The following FOXP2 variants were observed in gnomAD, a reference collection of about 807,000 sequenced individuals.
The protein encoded by FOXP2 is forkhead box P2.
In FOXP2, 12 loss-of-function variants were observed where a neutral mutation model predicts 115.8. The ratio of observed to expected loss-of-function variants is 0.10; its 90% CI spans 0.07 to 0.17. The LOEUF (loss-of-function observed/expected upper bound fraction) is 0.17. FOXP2 is among the 10% of genes least tolerant of loss of function. The pLI is 1.00. For missense variants in FOXP2, 629 were observed against 843.5 expected, an observed-to-expected ratio of 0.75 and a Z score of 3.15; for synonymous variants, 328 against 297.7, an observed-to-expected ratio of 1.10 and a Z score of -1.05.
chr7:114,675,342 T>C (rs1002613036), intron 16 of FOXP2, among the ~76,000 whole-genome samples: 1 of 152,176 alleles, frequency 6.6e-6, no homozygotes, highest in African/African-American at 2.4e-5. Flanking sequence ...TTTTTGTATG[T>C]TCTGTTTGAC....
At chr7:114,517,771 G>A (rs369056378) in intron 2 of FOXP2, among the ~76,000 whole-genome samples, 4 of 152,174 alleles carry the variant, frequency 2.6e-5, no homozygotes, top group African/African-American at 9.6e-5. Flanking sequence ...GATGCCTCCA[G>A]CTTTGTCTTT....
intron 6 of FOXP2, among the ~76,000 whole-genome samples, chr7:114,641,919 C>T (rs151250446): frequency 0.045 from 6,857 of 152,178 alleles, 204 homozygotes; most frequent in Admixed American, 0.083. Context: ...AATTCTCCCG[C>T]CTCAACCTCC....
chr7:114,471,864 G>T (rs1413401684), intron 2 of FOXP2, among the ~76,000 whole-genome samples: 1 of 151,704 alleles, frequency 6.6e-6, no homozygotes, highest in Non-Finnish European at 1.5e-5. Flanking sequence ...GGAGGCTGAG[G>T]CAGGAGAATT....
At chr7:114,530,488 C>G (rs1799090896) in intron 2 of FOXP2, among the ~76,000 whole-genome samples, 1 of 151,762 alleles carries the variant, frequency 6.6e-6, no homozygotes, top group Non-Finnish European at 1.5e-5. Context: ...AGATATATGA[C>G]TGATGTCTGT....
intron 1 of FOXP2, among the ~76,000 whole-genome samples, chr7:114,278,647 C>T: frequency 6.6e-6 from 1 of 152,238 alleles, no homozygotes; most frequent in East Asian, 1.9e-4. Context: ...AGCCACCGCA[C>T]TGACCTATTT....
At chr7:114,352,909 G>A (rs1791528409) in intron 2 of FOXP2, among the ~76,000 whole-genome samples, 1 of 152,082 alleles carries the variant, frequency 6.6e-6, no homozygotes, top group Non-Finnish European at 1.5e-5. Flanking sequence ...CTAACTGGAA[G>A]TCACAAAGTC....
At chr7:114,390,530 T>TTATC (rs1792568764) in intron 2 of FOXP2, among the ~76,000 whole-genome samples, 2 of 49,638 alleles carry the variant, frequency 4.0e-5, no homozygotes, top group African/African-American at 7.8e-5. Context: ...ATGTATTTAT[T>TTATC]TATTTATTTA....
chr7:114,244,464 T>C (rs963320949), intron 1 of FOXP2, among the ~76,000 whole-genome samples: 3 of 152,188 alleles, frequency 2.0e-5, no homozygotes, highest in Non-Finnish European at 4.4e-5. Context: ...ATATCTGTAA[T>C]TTTCAACTAA....
At chr7:114,190,357 A>T (rs932298619) in intron 1 of FOXP2, among the ~76,000 whole-genome samples, 1 of 152,208 alleles carries the variant, frequency 6.6e-6, no homozygotes, top group Non-Finnish European at 1.5e-5. Context: ...TAGAACAGAA[A>T]GGCCAAGGAA....
intron 3 of FOXP2, 33 bp from the exon 4 acceptor site, chr7:114,628,507 C>T (rs372862440): frequency 2.8e-5 from 45 of 1,613,082 alleles, no homozygotes; most frequent in Middle Eastern, 1.6e-4. Flanking sequence ...GTTATGACCA[C>T]GAATTTTCTT....
Position 114,414,985 on chromosome 7 carries a change from T to C in FOXP2, c.-386T>C. ...TACTTTAGAAAGATTATGGTAAGCA[T>C]GCTGGCTCAGTCTTGAACCTTTGTC... On this transcript the variant is annotated 5_prime_UTR_variant, in exon 1 of 17. It removes an upstream start codon present in the reference 5' UTR. Coordinates refer to ENST00000350908, the MANE Select transcript of FOXP2 (RefSeq NM_014491.4). 1 of 432,124 alleles carries C rather than the reference T, an allele frequency of 2.3e-6. No homozygotes were observed. 26.8% of individuals were successfully genotyped at this position (432,124 alleles called of 1,614,324 possible).
At chr7:114,147,610 A>AT (rs1181251910) in intron 1 of FOXP2, among the ~76,000 whole-genome samples, 2 of 151,894 alleles carry the variant, frequency 1.3e-5, no homozygotes, top group Non-Finnish European at 2.9e-5. Flanking sequence ...TAAATAGTAT[A>AT]TTTTTTTTGC....
chr7:114,459,836 G>A (rs769661723), intron 2 of FOXP2, among the ~76,000 whole-genome samples: 4 of 152,058 alleles, frequency 2.6e-5, no homozygotes, highest in South Asian at 2.1e-4. Context: ...GGTTGATCTC[G>A]AACCGCTGAC....
At chr7:114,429,932 T>G (rs1293973368) in intron 2 of FOXP2, among the ~76,000 whole-genome samples, 1 of 151,708 alleles carries the variant, frequency 6.6e-6, no homozygotes, top group Non-Finnish European at 1.5e-5. Context: ...TATAATTTTA[T>G]TTTGAAATCT....
At chr7:114,677,048 C>G (rs984383246) in intron 16 of FOXP2, among the ~76,000 whole-genome samples, 1 of 151,960 alleles carries the variant, frequency 6.6e-6, no homozygotes, top group Non-Finnish European at 1.5e-5. Context: ...CGCCTGTAGT[C>G]CCAGCTACTC....
At chr7:114,161,537 G>GTT (rs34029607), upstream of FOXP2, among the ~76,000 whole-genome samples, 1,235 of 148,860 alleles carry the variant, frequency 8.3e-3, 5 homozygotes, top group South Asian at 0.042. Context: ...TCTCACAATA[G>GTT]TTTTTTTTTT....
At chr7:114,595,719 G>A (rs934864747) in intron 3 of FOXP2, among the ~76,000 whole-genome samples, 1 of 151,894 alleles carries the variant, frequency 6.6e-6, no homozygotes. Flanking sequence ...TTACAACATG[G>A]GGAGTCAAAA....
chr7:114,517,349 C>T (rs1470097455), intron 2 of FOXP2, among the ~76,000 whole-genome samples: 1 of 152,080 alleles, frequency 6.6e-6, no homozygotes, highest in Non-Finnish European at 1.5e-5. Flanking sequence ...TAGTTTGATG[C>T]AATCCCGTCG....
intron 2 of FOXP2, among the ~76,000 whole-genome samples, chr7:114,386,892 A>G (rs551998147): frequency 1.3e-5 from 2 of 152,346 alleles, no homozygotes; most frequent in East Asian, 3.9e-4. Context: ...GAAAAGTATA[A>G]TAATGAAAAT....
Sources: allele counts gnomAD v4.1 joint callset (sites outside exome capture counted in the v4.1 genomes callset), GRCh38; gene constraint gnomAD v4.1.1; transcripts MANE v1.5; gene names NCBI Gene and HGNC (gene_info 2026-07-23, HGNC 2026-07-21).